Variants in TRIM37 observed in about 807,000 individuals in gnomAD.
The protein encoded by TRIM37 is tripartite motif containing 37, also known as E3 ubiquitin-protein ligase TRIM37.
TRIM37 carries 80 observed loss-of-function variants against 129.8 expected under a neutral mutation model. The ratio of observed to expected loss-of-function variants is 0.62; its 90% confidence interval spans 0.51 to 0.74. The LOEUF (loss-of-function observed/expected upper bound fraction) is 0.74, where lower values mean the gene tolerates loss of function less well. Ranked by LOEUF, TRIM37 falls within the 30% of genes least tolerant of loss-of-function variation. The pLI, the probability that TRIM37 is intolerant of heterozygous loss-of-function variation, is 0.00. For synonymous variants in TRIM37, 389 were observed against 387.1 expected, an observed-to-expected ratio of 1.00 and a Z score of -0.06; for missense variants, 1,054 against 1,176.5, an observed-to-expected ratio of 0.90 and a Z score of 1.52.
At chr17:59,001,782 C>T in intron 22 of TRIM37, 68 bp from the exon 23 acceptor site, 1 of 1,587,192 alleles carries the variant, frequency 6.3e-7, no homozygotes, top group East Asian at 2.3e-5. Flanking sequence ...ACAGAAATCT[C>T]CGTATCTGCT....
intron 19 of TRIM37, among the ~76,000 whole-genome samples, chr17:59,023,675 C>CA (rs1377386891): frequency 1.3e-5 from 2 of 151,584 alleles, no homozygotes; most frequent in Non-Finnish European, 2.9e-5. Context: ...AACACAAAAA[C>CA]AAAAAAGTAC....
chr17:59,099,661 CAAG>C (rs1201170342), intron 2 of TRIM37, among the ~76,000 whole-genome samples: 1 of 152,054 alleles, frequency 6.6e-6, no homozygotes, highest in East Asian at 1.9e-4. Flanking sequence ...CTAACTAAAA[CAAG>C]GAGATACCTG....
At chr17:59,037,557 C>CAAAAAAAAAAAAAAAAAAAAA (rs58856834) in intron 17 of TRIM37, among the ~76,000 whole-genome samples, 6 of 73,994 alleles carry the variant, frequency 8.1e-5, no homozygotes, top group African/African-American at 3.0e-4. Context: ...GACTCTGTCT[C>CAAAAAAAAAAAAAAAAAAAAA]AAAAAAAAAA....
chr17:58,992,607 C>T (rs898072937), intron 24 of TRIM37, among the ~76,000 whole-genome samples: 2 of 152,100 alleles, frequency 1.3e-5, no homozygotes, highest in East Asian at 1.9e-4. Context: ...CTCGAACTCC[C>T]GACCTCAGGT....
chr17:58,977,126 A>G, the TRIM37 span, among the ~76,000 whole-genome samples: 99 of 152,288 alleles, frequency 6.5e-4, 1 homozygote, highest in African/African-American at 2.4e-3. Flanking sequence ...ATGCTTGGGA[A>G]AGATGGTTTT....
chr17:58,985,207 A>G (rs916800187), intron 24 of TRIM37: 1 of 152,650 alleles, frequency 6.6e-6, no homozygotes, highest in Non-Finnish European at 1.5e-5. Context: ...TATTTAAAGG[A>G]AAGGTAAGTT....
chr17:59,005,249 T>G (rs2034326362), intron 22 of TRIM37, among the ~76,000 whole-genome samples: 1 of 152,148 alleles, frequency 6.6e-6, no homozygotes, highest in Non-Finnish European at 1.5e-5. Context: ...TTTAAAAAAG[T>G]TATTAAATAC....
chr17:58,984,957 A>G (rs1345077321), intron 24 of TRIM37: 2 of 152,680 alleles, frequency 1.3e-5, no homozygotes, highest in Non-Finnish European at 1.5e-5. Context: ...TCTCTTGTTC[A>G]TAACATTTCT....
At chr17:59,041,644 T>C (rs2039163258) in intron 17 of TRIM37, among the ~76,000 whole-genome samples, 169 bp downstream of exon 17, 1 of 152,228 alleles carries the variant, frequency 6.6e-6, no homozygotes, top group Admixed American at 6.5e-5. Flanking sequence ...GCTATTGTTT[T>C]AAATATCTTT....
intron 2 of TRIM37, among the ~76,000 whole-genome samples, chr17:59,094,747 A>G (rs2044700689): frequency 6.6e-6 from 1 of 152,190 alleles, no homozygotes; most frequent in Non-Finnish European, 1.5e-5. Context: ...CAGATTTGGC[A>G]TGGTGAAAAA....
At chr17:59,021,348 T>C (rs936360435) in intron 19 of TRIM37, among the ~76,000 whole-genome samples, 20 of 151,956 alleles carry the variant, frequency 1.3e-4, no homozygotes, top group African/African-American at 4.6e-4. Context: ...TGAGCCGAGA[T>C]TGCACCACTG....
At chr17:59,080,067 G>C (rs2043135750) in intron 6 of TRIM37, among the ~76,000 whole-genome samples, 190 bp from the exon 7 acceptor site, 1 of 152,148 alleles carries the variant, frequency 6.6e-6, no homozygotes, top group South Asian at 2.1e-4. Context: ...TCTGCATAAA[G>C]AATGTTATAA....
intron 18 of TRIM37, among the ~76,000 whole-genome samples, chr17:59,029,989 TTCATCAGG>T: frequency 1.1e-5 from 1 of 88,126 alleles, no homozygotes; most frequent in African/African-American, 5.4e-5. Context: ...AAAACAGATA[TTCATCAGG>T]ATTATGTTCC....
At chr17:59,053,699 T>C (rs879376541) in intron 13 of TRIM37, among the ~76,000 whole-genome samples, 2 of 152,228 alleles carry the variant, frequency 1.3e-5, no homozygotes, top group Non-Finnish European at 2.9e-5. Flanking sequence ...TGTAATTCTC[T>C]CTATGGCTGA....
intron 18 of TRIM37, among the ~76,000 whole-genome samples, chr17:59,029,644 C>G (rs2037623987): frequency 6.6e-6 from 1 of 152,192 alleles, no homozygotes; most frequent in Non-Finnish European, 1.5e-5. Flanking sequence ...CGCCTATAAT[C>G]CCAGCACACT....
chr17:59,104,293 C>T lies in TRIM37; in HGVS notation c.123G>A (p.Arg41=). Residue 41 remains arginine, a splice_region_variant and synonymous_variant, in exon 2 of 24, where the codon AGG becomes AGA. Coordinates refer to ENST00000262294, the MANE Select transcript of TRIM37 (RefSeq NM_015294.6). ...GCATGTAAAAAGAAATACAACTTAC[C>T]CTAATACAGCTGAAACAACACAGTT... The part of the protein sequence containing the change: ...CSKLCCFSCI[R]RWLTEQRAQC... 6.2e-7 allele frequency: 1 copy of T among 1,613,272 alleles called. No homozygotes were observed. Among genetic ancestry groups the T allele is most frequent in the Non-Finnish European group, 8.5e-7 (1 of 1,179,288 alleles).
intron 2 of TRIM37, among the ~76,000 whole-genome samples, chr17:59,098,708 T>C (rs551054266): frequency 6.9e-6 from 1 of 145,814 alleles, no homozygotes; most frequent in Non-Finnish European, 1.5e-5. Context: ...ACATTAGGTA[T>C]ATTTTACCAC....
At chr17:59,035,838 G>A (rs948361607) in intron 17 of TRIM37, among the ~76,000 whole-genome samples, 2 of 152,020 alleles carry the variant, frequency 1.3e-5, no homozygotes, top group African/African-American at 2.4e-5. Flanking sequence ...AAAGACAGAC[G>A]GATCGGTGAC....
At chr17:59,088,506 A>G (rs2043979462) in intron 3 of TRIM37, 99 bp from the exon 4 acceptor site, 2 of 787,990 alleles carry the variant, frequency 2.5e-6, no homozygotes, top group African/African-American at 3.5e-5. Context: ...TAATACTCAT[A>G]CCATAACACT....
Sources: gnomAD v4.1 joint callset for allele counts (sites outside exome capture counted in the v4.1 genomes callset) on GRCh38, gnomAD v4.1.1 for gene constraint, MANE v1.5 for transcripts, NCBI Gene and HGNC (gene_info 2026-07-23, HGNC 2026-07-21) for gene names.